Variants in P3H2 observed in about 807,000 individuals in gnomAD.
The protein encoded by P3H2 is prolyl 3-hydroxylase 2.
In P3H2, 80 loss-of-function variants were observed where a neutral mutation model predicts 87.0. That is an observed-to-expected ratio of 0.92 (90% CI 0.77 to 1.11). The LOEUF (loss-of-function observed/expected upper bound fraction) is 1.11, where lower values mean the gene tolerates loss of function less well. Ranked by LOEUF, P3H2 falls within the 50% of genes least tolerant of loss-of-function variation. The pLI is 0.00. For synonymous variants in P3H2, 367 were observed against 359.3 expected (o/e 1.02, Z -0.24); for missense variants, 1,001 against 923.9 (o/e 1.08, Z -1.08).
intron 6 of P3H2, among the ~76,000 whole-genome samples, chr3:189,985,404 A>T (rs1221582850): frequency 6.6e-6 from 1 of 151,520 alleles, no homozygotes; most frequent in African/African-American, 2.4e-5. Context: ...TTCAAATGTT[A>T]TTTCTTATCG....
rs2108924743 is a variant in P3H2, at chr3:189,995,348, C to T, written c.575G>A (p.Arg192Lys). The T allele has an allele frequency of 6.2e-7, 1 of 1,614,080 alleles. No individual in the cohort carries two copies. Among genetic ancestry groups the T allele is most frequent in the Non-Finnish European group, 8.5e-7 (1 of 1,180,020 alleles). The change falls in exon 2 of 15, where the codon AGG (arginine) becomes AAG (lysine). Residue 192 changes from arginine (R) to lysine (K), a missense_variant. Arg to Lys is a conservative substitution (Grantham distance 26). Transcript: ENST00000319332. ...CAATGCTTCAACACCAGCTGTCGCC[C>T]TGTAATTCTCAATGTTCTGCTGCAT... Reference protein sequence around the residue: ...MEMQQNIENYRATAGVEALQL... With the variant: ...MEMQQNIENYKATAGVEALQL...
At chr3:190,081,306 TTTC>T (rs1727035295) in intron 1 of P3H2, among the ~76,000 whole-genome samples, 1 of 152,212 alleles carries the variant, frequency 6.6e-6, no homozygotes. Context: ...TCTTTAAGAC[TTTC>T]TTATCTGAAT....
At chr3:190,038,760 T>C (rs1282426607) in intron 1 of P3H2, among the ~76,000 whole-genome samples, 4 of 152,198 alleles carry the variant, frequency 2.6e-5, no homozygotes, top group African/African-American at 9.7e-5. Context: ...GGACATACAA[T>C]ATTTATCATA....
At position 189,987,556 on chromosome 3, in the gene P3H2, T is replaced by C. The variant is rs1723744408; in HGVS notation, c.1069A>G (p.Ile357Val). ...CTGGCCTCAATGGATGCCGGGTCAA[T>C]GCTATCATCCAGCAGACTCTCATAG... ...DYYESLLDDS[I>V]DPASIEARED... The change falls in exon 5 of 15, where the codon ATT (isoleucine) becomes GTT (valine). Residue 357 changes from isoleucine to valine, a missense_variant. Physicochemically the swap from Ile to Val is conservative, Grantham distance 29. Transcript: ENST00000319332. The C allele has an allele frequency of 2.5e-6, 4 of 1,613,668 alleles. No individual in the cohort carries two copies. Among genetic ancestry groups the C allele is most frequent in the Non-Finnish European group, 3.4e-6 (4 of 1,179,938 alleles).
chr3:189,960,667 C>T (rs1009281290), intron 14 of P3H2, among the ~76,000 whole-genome samples: 3 of 152,198 alleles, frequency 2.0e-5, no homozygotes, highest in African/African-American at 7.2e-5. Flanking sequence ...ATTATTTCTC[C>T]AATTTGACTT....
intron 10 of P3H2, 56 bp downstream of exon 10, chr3:189,973,853 C>T: frequency 7.5e-7 from 1 of 1,331,138 alleles, no homozygotes; most frequent in Non-Finnish European, 1.1e-6. Context: ...CTGCCATTTA[C>T]AGAAGCCTTA....
At chr3:190,025,774 C>T (rs1000956863) in intron 1 of P3H2, among the ~76,000 whole-genome samples, 2 of 151,974 alleles carry the variant, frequency 1.3e-5, no homozygotes, top group Non-Finnish European at 2.9e-5. Flanking sequence ...CATAATAAAC[C>T]TCAGTCGGGA....
intron 13 of P3H2, chr3:189,969,359 C>A: frequency 1.2e-6 from 1 of 823,884 alleles, no homozygotes; most frequent in Non-Finnish European, 2.1e-6. Context: ...TCAGTTGTGA[C>A]CATTGTCCCC....
intron 13 of P3H2, chr3:189,969,595 G>T: frequency 8.1e-7 from 1 of 1,238,400 alleles, no homozygotes; most frequent in Non-Finnish European, 1.2e-6. Flanking sequence ...TGGTCCCTAT[G>T]ACATGTGTAC....
rs9804 is a variant in P3H2 at position 189,957,115 on chromosome 3, C to A, written c.*797G>T. ...GAAAACACCAGAGCCAAAAATTCCA[C>A]CAAGGCCCTGGAAAGACTGAAGTCC... On this transcript the variant is annotated 3_prime_UTR_variant, in exon 15 of 15. Transcript: ENST00000319332. The A allele has an allele frequency of 2.0e-4, 81 of 398,586 alleles. No individual in the cohort carries two copies. The highest frequency in any genetic ancestry group is 1.6e-3 in the African/African-American group (77 of 48,742). The allele number at this position is 398,586 out of a possible 1,614,324, so 24.7% of individuals were successfully genotyped here.
intron 1 of P3H2, among the ~76,000 whole-genome samples, chr3:190,073,344 G>A (rs1183239572): frequency 6.6e-6 from 1 of 152,200 alleles, no homozygotes; most frequent in Non-Finnish European, 1.5e-5. Context: ...CAGTTCCACA[G>A]ATAAGAAGTG....
intron 1 of P3H2, among the ~76,000 whole-genome samples, chr3:190,009,603 C>T (rs893968453): frequency 5.9e-5 from 9 of 152,132 alleles, no homozygotes; most frequent in Non-Finnish European, 8.8e-5. Context: ...TCATTTAAAA[C>T]GTTTCATATT....
At chr3:189,988,433 C>T (rs1666418) in intron 4 of P3H2, among the ~76,000 whole-genome samples, 114,042 of 150,366 alleles carry the variant, frequency 0.76, 43,503 homozygotes, top group East Asian at 0.9. Context: ...TAAATACATA[C>T]ACACACACAC....
intron 1 of P3H2, among the ~76,000 whole-genome samples, chr3:190,025,045 C>T (rs553179270): frequency 3.8e-4 from 58 of 152,240 alleles, no homozygotes; most frequent in African/African-American, 1.2e-3. Context: ...GGCACTCTGT[C>T]GAGTCCTTGA....
At chr3:190,000,778 C>T (rs866592969) in intron 1 of P3H2, among the ~76,000 whole-genome samples, 1 of 152,078 alleles carries the variant, frequency 6.6e-6, no homozygotes, top group Non-Finnish European at 1.5e-5. Context: ...TAGAGAAGGA[C>T]GGATCATTTG....
chr3:190,025,703 A>C (rs535430783), intron 1 of P3H2, among the ~76,000 whole-genome samples: 1 of 152,328 alleles, frequency 6.6e-6, no homozygotes, highest in South Asian at 2.1e-4. Context: ...AGTATGAATG[A>C]AAGAAAATAA....
At chr3:190,013,393 A>T (rs1360591008) in intron 1 of P3H2, among the ~76,000 whole-genome samples, 2 of 152,254 alleles carry the variant, frequency 1.3e-5, no homozygotes, top group Admixed American at 6.5e-5. Context: ...CTAGTAAGTT[A>T]TTCTAAAGAG....
chr3:189,977,960 T>C (rs1222556089), intron 8 of P3H2, among the ~76,000 whole-genome samples: 3 of 152,160 alleles, frequency 2.0e-5, no homozygotes, highest in Non-Finnish European at 4.4e-5. Context: ...GAACGCAATT[T>C]GGAAAAGGCT....
chr3:190,095,703 C>G (rs942733335), intron 1 of P3H2, among the ~76,000 whole-genome samples: 2 of 151,606 alleles, frequency 1.3e-5, no homozygotes, highest in African/African-American at 2.4e-5. Context: ...CGGGTTCACG[C>G]CATTCTCCTG....
Sources: gnomAD v4.1 joint callset for allele counts (sites outside exome capture counted in the v4.1 genomes callset) on GRCh38, gnomAD v4.1.1 for gene constraint, MANE v1.5 for transcripts, NCBI Gene and HGNC (gene_info 2026-07-23, HGNC 2026-07-21) for gene names.